The following SLC41A2 variants were observed in gnomAD, a reference collection of about 807,000 sequenced individuals.
SLC41A2 encodes the protein solute carrier family 41 member 2, also known as SLC41A1-like 1.
In SLC41A2, 32 loss-of-function variants were observed where a neutral mutation model predicts 58.3. The observed-to-expected ratio is 0.55, with a 90% CI of 0.41 to 0.74. The LOEUF (loss-of-function observed/expected upper bound fraction) is 0.74, where lower values mean the gene tolerates loss of function less well. Among genes scored for constraint, SLC41A2 ranks in the 30% least tolerant of loss-of-function variants. The pLI is 0.00. For missense variants in SLC41A2, 514 were observed against 680.6 expected (o/e 0.76, Z 2.72); for synonymous variants, 190 against 235.0 (o/e 0.81, Z 1.75).
Position 104,895,356 on chromosome 12 carries a change from G to A in SLC41A2, c.664-11C>T, listed in dbSNP as rs1299066897. 6.2e-7 allele frequency: 1 copy of A among 1,601,990 alleles called. No individual in the cohort carries two copies. The highest frequency in any genetic ancestry group is 8.5e-7 in the Non-Finnish European group (1 of 1,169,854). On this transcript the variant is annotated splice_polypyrimidine_tract_variant and intron_variant, in intron 3 of 10. Coordinates refer to ENST00000258538, the MANE Select transcript of SLC41A2 (RefSeq NM_001352171.3). ...CTTCCCAATATTTACCTGTTAAAGTGGATATTTTCATGTATCACTGAAGAA... is the reference window on the plus strand; with the variant it reads ...CTTCCCAATATTTACCTGTTAAAGTAGATATTTTCATGTATCACTGAAGAA...
chr12:104,810,890 C>T (rs2041145238), intron 10 of SLC41A2, among the ~76,000 whole-genome samples: 1 of 152,176 alleles, frequency 6.6e-6, no homozygotes, highest in Non-Finnish European at 1.5e-5. Flanking sequence ...AAAGCCCATG[C>T]TCTCAACCAT....
chr12:104,924,056 T>C (rs2046727433), intron 2 of SLC41A2, among the ~76,000 whole-genome samples: 1 of 152,180 alleles, frequency 6.6e-6, no homozygotes, highest in African/African-American at 2.4e-5. Context: ...ATGGCTCATA[T>C]CCAAAATGTA....
chr12:104,892,901 C>A (rs1229833034), intron 4 of SLC41A2, among the ~76,000 whole-genome samples: 1 of 152,098 alleles, frequency 6.6e-6, no homozygotes, highest in Non-Finnish European at 1.5e-5. Context: ...AAAACTACTA[C>A]ACAAAAACAT....
chr12:104,914,031 C>T (rs1438599699), intron 2 of SLC41A2, among the ~76,000 whole-genome samples: 1 of 152,014 alleles, frequency 6.6e-6, no homozygotes, highest in Non-Finnish European at 1.5e-5. Context: ...CATTGCATTC[C>T]AGCCTGGGTG....
chr12:104,934,801 C>T (rs1392978805), intron 1 of SLC41A2, among the ~76,000 whole-genome samples: 2 of 152,052 alleles, frequency 1.3e-5, no homozygotes, highest in Non-Finnish European at 2.9e-5. Flanking sequence ...AAATATTGTA[C>T]TTATGTGGAA....
At chr12:104,947,505 CTTTTAA>C (rs2047774535) in intron 1 of SLC41A2, among the ~76,000 whole-genome samples, 1 of 151,634 alleles carries the variant, frequency 6.6e-6, no homozygotes, top group South Asian at 2.1e-4. Flanking sequence ...TGGCCATTGG[CTTTTAA>C]TTTTAAGATG....
At chr12:104,828,916 C>T (rs1004036160) in intron 10 of SLC41A2, among the ~76,000 whole-genome samples, 4 of 151,982 alleles carry the variant, frequency 2.6e-5, no homozygotes, top group African/African-American at 9.7e-5. Context: ...TATCATCAGT[C>T]ATCAGATAAA....
rs529562618 is a variant in SLC41A2 at position 104,892,134 on chromosome 12, T to C, written c.736-2957A>G. ...GGCTAACATGGTGAAACCCCATCTC[T>C]ACTAAAAATGCAAAAATTAGCTGGG... On this transcript the variant is annotated intron_variant, in intron 4 of 10. Coordinates refer to ENST00000258538, the MANE Select transcript of SLC41A2 (RefSeq NM_001352171.3). 4.9e-4 allele frequency among the ~76,000 whole-genome samples: 75 copies of C among 151,788 alleles called. 1 individual carries two copies. The highest frequency in any genetic ancestry group is 9.4e-4 in the Non-Finnish European group (64 of 67,928).
intron 10 of SLC41A2, among the ~76,000 whole-genome samples, chr12:104,824,023 T>C (rs182053947): frequency 9.2e-5 from 14 of 152,170 alleles, no homozygotes; most frequent in African/African-American, 1.7e-4. Flanking sequence ...GATACGGAAG[T>C]GCCAGGAGGG....
chr12:104,936,439 A>G (rs2047274904), intron 1 of SLC41A2, among the ~76,000 whole-genome samples: 1 of 152,186 alleles, frequency 6.6e-6, no homozygotes, highest in African/African-American at 2.4e-5. Context: ...ACTGATAAAG[A>G]CATACCCAAG....
chr12:104,900,576 G>A (rs1345968251), intron 3 of SLC41A2, among the ~76,000 whole-genome samples: 2 of 152,132 alleles, frequency 1.3e-5, no homozygotes, highest in Non-Finnish European at 2.9e-5. Context: ...AAACCTAGTT[G>A]ACTATAACAG....
chr12:104,944,312 C>G (rs938889404), intron 1 of SLC41A2, among the ~76,000 whole-genome samples: 2 of 152,216 alleles, frequency 1.3e-5, no homozygotes, highest in Non-Finnish European at 2.9e-5. Context: ...ACACCAAGGT[C>G]TTCCTCAGGT....
intron 8 of SLC41A2, among the ~76,000 whole-genome samples, chr12:104,848,297 A>G (rs2042681745): frequency 6.6e-6 from 1 of 152,208 alleles, no homozygotes; most frequent in African/African-American, 2.4e-5. Flanking sequence ...AACATAAAAT[A>G]TTGAGATATG....
intron 10 of SLC41A2, among the ~76,000 whole-genome samples, chr12:104,817,032 G>A (rs1287151638): frequency 6.6e-6 from 1 of 152,204 alleles, no homozygotes; most frequent in Non-Finnish European, 1.5e-5. Context: ...ACATCAGAGA[G>A]TGTATGTACA....
chr12:104,916,432 C>A (rs1026099789), intron 2 of SLC41A2, among the ~76,000 whole-genome samples: 10 of 152,122 alleles, frequency 6.6e-5, no homozygotes, highest in African/African-American at 2.4e-4. Context: ...CCATCCCCAT[C>A]AAGCTACCAA....
chr12:104,940,631 C>G (rs1200618174), intron 1 of SLC41A2, among the ~76,000 whole-genome samples: 1 of 149,856 alleles, frequency 6.7e-6, no homozygotes, highest in African/African-American at 2.4e-5. Flanking sequence ...ATAAAGTTAG[C>G]TCCTGGCCGG....
chr12:104,870,177 AG>A lies in SLC41A2; in HGVS notation c.1028-3599del, dbSNP rs373466381. Reference sequence around the variant, plus strand: ...ATAATTGCAGGTATAGGAGGGAGGCAGGAGCAGATGTGGCTGCAGAAGAGAA... The same window carrying A: ...ATAATTGCAGGTATAGGAGGGAGGCAGAGCAGATGTGGCTGCAGAAGAGAA... On this transcript the variant is annotated intron_variant, in intron 6 of 10. Coordinates refer to ENST00000258538, the MANE Select transcript of SLC41A2 (RefSeq NM_001352171.3). 6.6e-5 allele frequency among the ~76,000 whole-genome samples: 10 copies of A among 152,296 alleles called. 1 individual carries two copies. The East Asian group carries it at 1.9e-3, about 29-fold the overall frequency.
At chr12:104,828,660 G>A (rs980995642) in intron 10 of SLC41A2, among the ~76,000 whole-genome samples, 1 of 151,876 alleles carries the variant, frequency 6.6e-6, no homozygotes, top group Non-Finnish European at 1.5e-5. Flanking sequence ...CCTGTGAGGG[G>A]GACAAGGAAC....
chr12:104,892,312 A>G, intron 4 of SLC41A2, among the ~76,000 whole-genome samples: 1 of 124,056 alleles, frequency 8.1e-6, no homozygotes, highest in East Asian at 2.4e-4. Context: ...AAAATAAAAT[A>G]AAATAAAATA....
Sources: gnomAD v4.1 joint callset for allele counts (sites outside exome capture counted in the v4.1 genomes callset) on GRCh38, gnomAD v4.1.1 for gene constraint, MANE v1.5 for transcripts, NCBI Gene and HGNC (gene_info 2026-07-23, HGNC 2026-07-21) for gene names.